The following CHD1L variants were observed in gnomAD, a reference collection of about 807,000 sequenced individuals.
CHD1L encodes the protein ATP-dependent chromatin remodeler CHD1L.
In CHD1L, 118 loss-of-function variants were observed where a neutral mutation model predicts 115.9. The ratio of observed to expected loss-of-function variants is 1.02; its 90% CI spans 0.88 to 1.19. The LOEUF (loss-of-function observed/expected upper bound fraction) is 1.19, where lower values mean the gene tolerates loss of function less well. CHD1L is among the 50% of genes most tolerant of loss of function. The pLI is 0.00. For missense variants in CHD1L, 1,179 were observed against 1,065.3 expected (o/e 1.11, Z -1.49); for synonymous variants, 411 against 387.1 (o/e 1.06, Z -0.72).
At chr1:147,288,568 C>T (rs981733347) in intron 19 of CHD1L, among the ~76,000 whole-genome samples, 1 of 152,022 alleles carries the variant, frequency 6.6e-6, no homozygotes, top group African/African-American at 2.4e-5. Flanking sequence ...GTAATCCCAG[C>T]TACTCAGGAG....
upstream of CHD1L, among the ~76,000 whole-genome samples, chr1:147,241,614 T>G (rs1198148671): frequency 6.6e-6 from 1 of 152,208 alleles, no homozygotes; most frequent in East Asian, 1.9e-4. Context: ...TATTTATGAA[T>G]GACTCAAGAC....
At chr1:147,241,948 TAAG>T (rs1338855884), upstream of CHD1L, among the ~76,000 whole-genome samples, 1 of 152,192 alleles carries the variant, frequency 6.6e-6, no homozygotes, top group Non-Finnish European at 1.5e-5. Context: ...GAAGGTTAAA[TAAG>T]AAAATATACT....
At chr1:147,198,891 C>T in the CHD1L span, among the ~76,000 whole-genome samples, 1 of 148,656 alleles carries the variant, frequency 6.7e-6, no homozygotes, top group East Asian at 2.0e-4. Flanking sequence ...AAAGATGGGC[C>T]TGAAATTGGA....
chr1:147,183,668 C>T, the CHD1L span, among the ~76,000 whole-genome samples: 7 of 152,102 alleles, frequency 4.6e-5, no homozygotes, highest in African/African-American at 1.7e-4. Flanking sequence ...AAACAGATGA[C>T]CTGAATCTGG....
chr1:147,189,090 A>G, the CHD1L span, among the ~76,000 whole-genome samples: 1 of 152,070 alleles, frequency 6.6e-6, no homozygotes, highest in Non-Finnish European at 1.5e-5. Context: ...CCTGGCCAAC[A>G]TGGAGAAATC....
chr1:147,254,475 C>T (rs1350697530), intron 2 of CHD1L, among the ~76,000 whole-genome samples: 4 of 152,114 alleles, frequency 2.6e-5, no homozygotes, highest in Admixed American at 1.3e-4. Context: ...GGCCACCATG[C>T]GATTGGCCGT....
chr1:147,186,349 T>C, the CHD1L span: 3 of 968,738 alleles, frequency 3.1e-6, no homozygotes, highest in Non-Finnish European at 3.7e-6. Flanking sequence ...CACTAGTGAA[T>C]AGCAAGTGAA....
At chr1:147,201,163 T>C in the CHD1L span, 7,523 of 1,610,614 alleles carry the variant, frequency 4.7e-3, 55 homozygotes, top group Non-Finnish European at 4.4e-3. Context: ...TTTAAATACC[T>C]GAGTGGCCCA....
chr1:147,178,700 A>G, the CHD1L span: 40 of 1,577,218 alleles, frequency 2.5e-5, no homozygotes, highest in African/African-American at 2.0e-4. Flanking sequence ...GTGAACGAGT[A>G]TGATGATAAC....
chr1:147,251,321 C>T (rs1553936254), intron 1 of CHD1L, among the ~76,000 whole-genome samples: 1 of 152,144 alleles, frequency 6.6e-6, no homozygotes, highest in Non-Finnish European at 1.5e-5. Flanking sequence ...AGCCAGTCTG[C>T]TTCTTCACTA....
At position 147,267,473 on chromosome 1, in the gene CHD1L, T is replaced by C. The variant is rs1338621022; in HGVS notation, c.943T>C (p.Leu315=). 4.3e-6 allele frequency: 7 copies of C among 1,613,010 alleles called. No homozygotes were observed. Among genetic ancestry groups the C allele is most frequent in the Middle Eastern group, 1.6e-4 (1 of 6,074 alleles). The part of the protein sequence containing the change: ...TAKKVKLQNI[L]SQLRKCVDHP... Reference sequence around the variant, plus strand: ...AAAGAAAGTTAAACTACAGAACATTTTGTCCCAGCTTCGAAAGTGTGTGGA... The same window carrying C: ...AAAGAAAGTTAAACTACAGAACATTCTGTCCCAGCTTCGAAAGTGTGTGGA... The change falls in exon 9 of 23, where the codon TTG becomes CTG. Residue 315 remains leucine (L), a synonymous_variant. Transcript: ENST00000369258.
Position 147,242,729 on chromosome 1 carries a change from G to T in CHD1L, c.26G>T (p.Arg9Leu). 7.9e-7 allele frequency: 1 copy of T among 1,258,672 alleles called. No homozygotes were observed. Among genetic ancestry groups the T allele is most frequent in the Non-Finnish European group, 1.0e-6 (1 of 996,754 alleles). 78.0% of individuals were successfully genotyped at this position (1,258,672 alleles called of 1,614,324 possible). Residue 9 changes from arginine (R) to leucine (L), a missense_variant, in exon 1 of 23, where the codon CGC becomes CTC. By Grantham distance (102) the Arg-to-Leu change is moderately radical. Coordinates refer to ENST00000369258, the MANE Select transcript of CHD1L (RefSeq NM_004284.6). The part of the protein sequence containing the change: MERAGATS[R>L]GGQAPGFLLR... ...ATGGAGCGCGCGGGCGCTACTAGCCGCGGGGGCCAAGCCCCTGGCTTCTTA... is the reference window on the plus strand; with the variant it reads ...ATGGAGCGCGCGGGCGCTACTAGCCTCGGGGGCCAAGCCCCTGGCTTCTTA...
chr1:147,223,237 T>C, the CHD1L span, among the ~76,000 whole-genome samples: 3 of 152,200 alleles, frequency 2.0e-5, no homozygotes, highest in Non-Finnish European at 4.4e-5. Context: ...TGCTGTTTAC[T>C]AAAAACAACA....
Position 147,255,416 on chromosome 1 carries a change from C to T in CHD1L, c.348-397C>T, listed in dbSNP as rs587731095. ...CTAATTTTGTATTTTTAGTAGAGAC[C>T]GGGTTTCTCCATGTTGGTCAGGCTG... On this transcript the variant is annotated intron_variant, in intron 3 of 22. Transcript: ENST00000369258. 3.9e-5 allele frequency among the ~76,000 whole-genome samples: 6 copies of T among 152,026 alleles called. No homozygotes were observed. In the East Asian group the frequency reaches 7.8e-4, roughly 20 times the overall value.
At chr1:147,270,155 C>T (rs1195021020) in intron 10 of CHD1L, among the ~76,000 whole-genome samples, 1 of 152,186 alleles carries the variant, frequency 6.6e-6, no homozygotes, top group Non-Finnish European at 1.5e-5. Context: ...AATTTTTCCT[C>T]TTACACTTGT....
chr1:147,223,282 C>T, the CHD1L span, among the ~76,000 whole-genome samples: 1 of 152,136 alleles, frequency 6.6e-6, no homozygotes. Context: ...GATGATGATA[C>T]ACGTATGCAG....
the CHD1L span, among the ~76,000 whole-genome samples, chr1:147,231,881 G>A: frequency 1.3e-5 from 2 of 152,142 alleles, no homozygotes; most frequent in Non-Finnish European, 2.9e-5. Flanking sequence ...GTGCTTCCCG[G>A]GTGAGGCGAT....
At chr1:147,229,280 T>G in the CHD1L span, among the ~76,000 whole-genome samples, 1 of 152,084 alleles carries the variant, frequency 6.6e-6, no homozygotes, top group African/African-American at 2.4e-5. Flanking sequence ...TTTCCCTATT[T>G]CTTGTTTTTG....
intron 13 of CHD1L, 104 bp downstream of exon 13, chr1:147,275,572 G>C (rs1678080942): frequency 6.2e-6 from 5 of 806,262 alleles, no homozygotes; most frequent in Non-Finnish European, 1.0e-5. Flanking sequence ...TGGGAGCTGA[G>C]AGACCACCAG....
Sources: allele counts gnomAD v4.1 joint callset (sites outside exome capture counted in the v4.1 genomes callset), GRCh38; gene constraint gnomAD v4.1.1; transcripts MANE v1.5; gene names NCBI Gene and HGNC (gene_info 2026-07-23, HGNC 2026-07-21).